The following TOPAZ1 variants were observed in gnomAD, a reference collection of about 807,000 sequenced individuals.
TOPAZ1 encodes protein TOPAZ1.
Under a neutral mutation model 172.2 loss-of-function variants are expected in TOPAZ1, and 66 were observed. The ratio of observed to expected loss-of-function variants is 0.38; its 90% CI spans 0.31 to 0.47. The LOEUF (loss-of-function observed/expected upper bound fraction) is 0.47, where lower values mean the gene tolerates loss of function less well. TOPAZ1 is among the 20% of genes least tolerant of loss of function. The pLI is 0.99. For synonymous variants in TOPAZ1, 681 were observed against 683.9 expected, an observed-to-expected ratio of 1.00 and a Z score of 0.07; for missense variants, 1,822 against 1,972.4, an observed-to-expected ratio of 0.92 and a Z score of 1.44.
intron 2 of TOPAZ1, among the ~76,000 whole-genome samples, chr3:44,246,025 A>G (rs1456966524): frequency 2.0e-5 from 3 of 152,234 alleles, no homozygotes; most frequent in African/African-American, 7.2e-5. Context: ...TTCATTTTTC[A>G]GGGGACAGAG....
chr3:44,296,508 C>T (rs900965005), intron 12 of TOPAZ1, among the ~76,000 whole-genome samples: 6 of 150,676 alleles, frequency 4.0e-5, no homozygotes, highest in African/African-American at 1.2e-4. Flanking sequence ...GCCATTAAAG[C>T]GATCATAAGG....
intron 16 of TOPAZ1, among the ~76,000 whole-genome samples, chr3:44,318,393 A>T (rs1271122983): frequency 6.6e-6 from 1 of 150,976 alleles, no homozygotes; most frequent in Non-Finnish European, 1.5e-5. Context: ...CGGAGGTTGC[A>T]GTGAACCAGG....
At chr3:44,289,746 C>T (rs184208722) in intron 11 of TOPAZ1, among the ~76,000 whole-genome samples, 1 of 152,184 alleles carries the variant, frequency 6.6e-6, no homozygotes, top group East Asian at 1.9e-4. Context: ...AGCTTCTCCA[C>T]TTACCCCTGG....
intron 18 of TOPAZ1, among the ~76,000 whole-genome samples, chr3:44,325,712 C>T (rs372438446): frequency 9.2e-5 from 14 of 151,624 alleles, no homozygotes; most frequent in African/African-American, 2.2e-4. Flanking sequence ...GGCGCAATCT[C>T]GGCTCACTGC....
At position 44,241,966 on chromosome 3, in the gene TOPAZ1, G is replaced by C; in HGVS notation, c.-88G>C. On this transcript the variant is annotated 5_prime_UTR_variant, in exon 1 of 20. Transcript: ENST00000309765. ...GTGTGGGGTGGGTCAGAGGGCAGTA[G>C]GTACCTCCAGGCGGGAGCAGCGTTT... 7.8e-7 allele frequency: 1 copy of C among 1,275,552 alleles called. No individual in the cohort carries two copies. The highest frequency in any genetic ancestry group is 1.3e-5 in the South Asian group (1 of 74,582). 79.0% of individuals were successfully genotyped at this position (1,275,552 alleles called of 1,614,324 possible). A position where few individuals can be genotyped will look rare whatever the true frequency, so the allele number is the denominator to read the frequency against.
At chr3:44,294,529 C>G (rs1037673344) in intron 12 of TOPAZ1, among the ~76,000 whole-genome samples, 1 of 152,164 alleles carries the variant, frequency 6.6e-6, no homozygotes, top group Non-Finnish European at 1.5e-5. Flanking sequence ...GTATCTCCCT[C>G]TGTCTCCCAA....
intron 8 of TOPAZ1, among the ~76,000 whole-genome samples, chr3:44,275,709 A>C (rs1171407749): frequency 6.6e-6 from 1 of 152,002 alleles, no homozygotes. Flanking sequence ...TCTTTGGATA[A>C]ATACCCAGTA....
chr3:44,334,387 C>T (rs556885773), downstream of TOPAZ1, among the ~76,000 whole-genome samples: 6 of 152,206 alleles, frequency 3.9e-5, no homozygotes, highest in African/African-American at 1.4e-4. Context: ...TGAAAGGGAG[C>T]ATTGAGGGGA....
chr3:44,262,653 G>T (rs1699787700), intron 5 of TOPAZ1, among the ~76,000 whole-genome samples, 170 bp downstream of exon 5: 1 of 152,070 alleles, frequency 6.6e-6, no homozygotes, highest in African/African-American at 2.4e-5. Flanking sequence ...AAGGGGTATT[G>T]TAAATTACCT....
chr3:44,252,534 G>A (rs1575706021), intron 2 of TOPAZ1, among the ~76,000 whole-genome samples: 2 of 152,358 alleles, frequency 1.3e-5, no homozygotes, highest in South Asian at 2.1e-4. Context: ...GGCAACTATG[G>A]TATTGGAGGG....
chr3:44,245,411 T>G, intron 2 of TOPAZ1, 140 bp downstream of exon 2: 2 of 807,310 alleles, frequency 2.5e-6, no homozygotes, highest in Non-Finnish European at 3.6e-6. Context: ...TATATACCAT[T>G]ATTACTGCTG....
chr3:44,243,057 A>C lies in TOPAZ1; in HGVS notation c.551A>C (p.Lys184Thr). The change falls in exon 2 of 20, where the codon AAA becomes ACA. Residue 184 changes from lysine (K) to threonine (T), a missense_variant. Around this residue, in one of 2 missense-constraint regions of TOPAZ1, gnomAD observed 1,489 missense variants for 1,490.8 expected, o/e 1.00. Transcript: ENST00000309765. ...AAAAGCTTAGAAAACCCACCTCTCA[A>C]AATAACCGAAAATGAGGCTACACAA... ...KLKSLENPPLKITENEATQNI... is the reference protein window; with the variant it reads ...KLKSLENPPLTITENEATQNI... The C allele has an allele frequency of 9.1e-6, 14 of 1,545,098 alleles. No homozygotes were observed. Among genetic ancestry groups the C allele is most frequent in the African/African-American group, 1.4e-5 (1 of 72,696 alleles).
intron 9 of TOPAZ1, among the ~76,000 whole-genome samples, chr3:44,284,570 C>T (rs1700057986): frequency 6.6e-6 from 1 of 152,096 alleles, no homozygotes. Context: ...AGTAATGTTG[C>T]CATGAACTTT....
rs1267755212 is a variant in TOPAZ1 at position 44,242,005 on chromosome 3, TTCCTGCGAGC to T, written c.-47_-38del. 6.6e-7 allele frequency: 1 copy of T among 1,507,614 alleles called. No individual in the cohort carries two copies. Among genetic ancestry groups the T allele is most frequent in the Admixed American group, 2.1e-5 (1 of 48,166 alleles). 93.4% of individuals were successfully genotyped at this position (1,507,614 alleles called of 1,614,324 possible). ...GGAGCAGCGTTTGCACCGCGGTGGG[TTCCTGCGAGC>T]TGGTGCAGAGGGGCCCCAGCGGGCC... is the stretch of plus-strand genomic sequence containing the variant. On this transcript the variant is annotated 5_prime_UTR_variant, in exon 1 of 20. Coordinates refer to ENST00000309765, the MANE Select transcript of TOPAZ1 (RefSeq NM_001145030.2).
Position 44,270,768 on chromosome 3 carries a change from A to G in TOPAZ1, c.3330A>G (p.Pro1110=). ...HFNTLRGCER[P]LCKFAHVPEQ... is the part of the protein sequence containing the mutation. ...ATACATTACGTGGCTGTGAGCGACCACTGTGCAAGTTTGCTCATGTGCCTG... is the reference window on the plus strand; with the variant it reads ...ATACATTACGTGGCTGTGAGCGACCGCTGTGCAAGTTTGCTCATGTGCCTG... Residue 1110 remains proline (P), a synonymous_variant, in exon 8 of 20, where the codon CCA becomes CCG. Transcript: ENST00000309765. The G allele has an allele frequency of 6.4e-7, 1 of 1,551,222 alleles. No homozygotes were observed. The highest frequency in any genetic ancestry group is 1.2e-5 in the South Asian group (1 of 83,854).
intron 8 of TOPAZ1, among the ~76,000 whole-genome samples, chr3:44,272,259 C>T (rs1699906739): frequency 6.6e-6 from 1 of 152,150 alleles, no homozygotes; most frequent in Admixed American, 6.5e-5. Flanking sequence ...TGGGTAAATA[C>T]ACAGAAGTGA....
chr3:44,242,770 C>A, intron 1 of TOPAZ1, 83 bp from the exon 2 acceptor site: 1 of 1,117,084 alleles, frequency 9.0e-7, no homozygotes, highest in Non-Finnish European at 1.2e-6. Flanking sequence ...AAATGATAGC[C>A]TCACAATTTT....
At chr3:44,290,606 A>G (rs1253647005) in intron 11 of TOPAZ1, among the ~76,000 whole-genome samples, 165 bp from the exon 12 acceptor site, 1 of 152,160 alleles carries the variant, frequency 6.6e-6, no homozygotes, top group Non-Finnish European at 1.5e-5. Flanking sequence ...AATTCTTAGG[A>G]TATCTTTTTG....
intron 16 of TOPAZ1, among the ~76,000 whole-genome samples, chr3:44,318,273 G>A (rs1368300667): frequency 6.6e-6 from 1 of 152,154 alleles, no homozygotes; most frequent in African/African-American, 2.4e-5. Flanking sequence ...CCAACGTGGT[G>A]AAACCCTGTC....
Sources: gnomAD v4.1 joint callset for allele counts (sites outside exome capture counted in the v4.1 genomes callset) on GRCh38, gnomAD v4.1.1 for gene constraint, gnomAD v4.1.1 regional missense constraint, MANE v1.5 for transcripts, NCBI Gene and HGNC (gene_info 2026-07-23, HGNC 2026-07-21) for gene names.